The following HYDIN variants were observed in gnomAD, a reference collection of about 807,000 sequenced individuals.
HYDIN encodes axonemal central pair apparatus protein HYDIN.
In HYDIN, 132 loss-of-function variants were observed where a neutral mutation model predicts 403.9. That is an observed-to-expected ratio of 0.33 (90% CI 0.28 to 0.38). The LOEUF (loss-of-function observed/expected upper bound fraction) is 0.38. Ranked by LOEUF, HYDIN falls within the 10% of genes least tolerant of loss-of-function variation. HYDIN has a pLI of 1.00. For missense variants in HYDIN, 2,827 were observed against 5,009.5 expected (o/e 0.56, Z 13.15); for synonymous variants, 1,202 against 1,891.7 (o/e 0.64, Z 9.46).
intron 53 of HYDIN, among the ~76,000 whole-genome samples, chr16:70,899,229 T>C (rs920411471): frequency 6.6e-6 from 1 of 152,028 alleles, no homozygotes; most frequent in Non-Finnish European, 1.5e-5. Context: ...TCCTGGAGCC[T>C]GTGAATATGA....
chr16:71,001,929 G>A (rs1178879021), intron 23 of HYDIN, among the ~76,000 whole-genome samples: 2 of 152,230 alleles, frequency 1.3e-5, no homozygotes, highest in African/African-American at 2.4e-5. Flanking sequence ...AGTTGTAAAT[G>A]TTTTAATTTT....
intron 41 of HYDIN, among the ~76,000 whole-genome samples, chr16:70,947,443 A>G (rs2077908733): frequency 6.6e-6 from 1 of 151,904 alleles, no homozygotes; most frequent in South Asian, 2.1e-4. Context: ...TCGGTTTGCC[A>G]GTATTTTATT....
intron 18 of HYDIN, among the ~76,000 whole-genome samples, chr16:71,033,747 A>G (rs1260971500): frequency 6.6e-6 from 1 of 152,200 alleles, no homozygotes; most frequent in East Asian, 1.9e-4. Context: ...TACCTATGCA[A>G]CAAACCTGCA....
At chr16:71,055,960 C>T (rs1290847301) in intron 18 of HYDIN, among the ~76,000 whole-genome samples, 1 of 152,106 alleles carries the variant, frequency 6.6e-6, no homozygotes, top group African/African-American at 2.4e-5. Flanking sequence ...CAGCCCAGTG[C>T]TGAGGTCCCC....
chr16:71,131,963 A>T (rs2084728218), intron 8 of HYDIN: 1 of 152,128 alleles, frequency 6.6e-6, no homozygotes, highest in Non-Finnish European at 1.5e-5. Flanking sequence ...AAGGTGAAAA[A>T]CAAAGTGGTA....
At chr16:71,200,463 C>T (rs1484375136) in intron 1 of HYDIN, among the ~76,000 whole-genome samples, 2 of 152,160 alleles carry the variant, frequency 1.3e-5, no homozygotes, top group African/African-American at 4.8e-5. Context: ...TAACCTGGAT[C>T]ATCCATTCAT....
intron 17 of HYDIN, 108 bp downstream of exon 17, chr16:71,062,061 A>T (rs974420550): frequency 7.6e-6 from 7 of 926,294 alleles, no homozygotes; most frequent in Non-Finnish European, 1.1e-5. Flanking sequence ...TACAACTCCA[A>T]GCAACTGGGG....
At chr16:70,876,048 G>A (rs2040428347) in intron 62 of HYDIN, among the ~76,000 whole-genome samples, 2 of 151,960 alleles carry the variant, frequency 1.3e-5, no homozygotes, top group African/African-American at 4.8e-5. Flanking sequence ...GAGCTACGAA[G>A]AGAATGAGGA....
intron 7 of HYDIN, among the ~76,000 whole-genome samples, chr16:71,139,278 G>C (rs576882891): frequency 4.6e-5 from 7 of 151,822 alleles, no homozygotes; most frequent in Non-Finnish European, 1.0e-4. Context: ...CAATTTTTTG[G>C]GGGGGGAAAG....
At chr16:71,102,714 A>G (rs1003453693) in intron 10 of HYDIN, among the ~76,000 whole-genome samples, 7 of 151,618 alleles carry the variant, frequency 4.6e-5, no homozygotes, top group African/African-American at 1.5e-4. Context: ...ATCTTCCCAC[A>G]ATTTCCCTGA....
chr16:70,899,537 C>T (rs1319391449), intron 53 of HYDIN, among the ~76,000 whole-genome samples: 3 of 151,494 alleles, frequency 2.0e-5, no homozygotes, highest in Non-Finnish European at 4.4e-5. Context: ...TGATTTTGGA[C>T]ATCTCGCCTC....
intron 12 of HYDIN, among the ~76,000 whole-genome samples, chr16:71,085,463 A>G (rs1194406005): frequency 6.8e-6 from 1 of 147,906 alleles, no homozygotes; most frequent in Non-Finnish European, 1.5e-5. Flanking sequence ...AGTGTGCTGT[A>G]GATGTCTGTT....
chr16:71,062,774 T>C (rs886971130), intron 16 of HYDIN: 1 of 154,012 alleles, frequency 6.5e-6, no homozygotes, highest in African/African-American at 2.4e-5. Context: ...TTTGCACTTG[T>C]GGTGACTCCT....
At chr16:71,042,044 T>C (rs556735406) in intron 18 of HYDIN, among the ~76,000 whole-genome samples, 79 of 151,040 alleles carry the variant, frequency 5.2e-4, no homozygotes, top group Non-Finnish European at 9.5e-4. Flanking sequence ...GAGGTAGCCA[T>C]TGTTACAGTT....
Position 70,809,773 on chromosome 16 carries a change from G to A in HYDIN, c.14883+10C>T, listed in dbSNP as rs1285484694. 6.2e-7 allele frequency: 1 copy of A among 1,603,114 alleles called. No individual in the cohort carries two copies. The highest frequency in any genetic ancestry group is 1.3e-5 in the African/African-American group (1 of 74,642). Reference sequence around the variant, plus strand: ...AGGGAAGGGCAGAAGGTAGAGCAGGGGCCACTCACCCTGCAGTAGTATTCT... The same window carrying A: ...AGGGAAGGGCAGAAGGTAGAGCAGGAGCCACTCACCCTGCAGTAGTATTCT... On this transcript the variant is annotated intron_variant, in intron 85 of 85. Coordinates refer to ENST00000393567, the MANE Select transcript of HYDIN (RefSeq NM_001270974.2).
At chr16:70,838,641 G>A (rs964992932) in intron 76 of HYDIN, among the ~76,000 whole-genome samples, 1 of 152,128 alleles carries the variant, frequency 6.6e-6, no homozygotes, top group African/African-American at 2.4e-5. Flanking sequence ...TCTGGATCTA[G>A]GCTCCATCAC....
At chr16:71,056,412 A>ATT (rs148225538) in intron 18 of HYDIN, among the ~76,000 whole-genome samples, 10 of 151,346 alleles carry the variant, frequency 6.6e-5, no homozygotes, top group Non-Finnish European at 1.3e-4. Flanking sequence ...TTTAAAAATC[A>ATT]TTTTTTTGTA....
chr16:70,866,644 A>G (rs1314293474), intron 66 of HYDIN, among the ~76,000 whole-genome samples: 2 of 152,152 alleles, frequency 1.3e-5, no homozygotes, highest in African/African-American at 4.8e-5. Flanking sequence ...TCTTTCCGGG[A>G]GGAAAGAGTT....
intron 35 of HYDIN, among the ~76,000 whole-genome samples, chr16:70,971,116 G>T (rs529306970): frequency 6.6e-6 from 1 of 152,330 alleles, no homozygotes; most frequent in East Asian, 1.9e-4. Context: ...GGGCCTGAAG[G>T]TTCTCATTTC....
Sources: gnomAD v4.1 joint callset for allele counts (sites outside exome capture counted in the v4.1 genomes callset) on GRCh38, gnomAD v4.1.1 for gene constraint, MANE v1.5 for transcripts, NCBI Gene and HGNC (gene_info 2026-07-23, HGNC 2026-07-21) for gene names.